The following RARB variants were observed in gnomAD, a reference collection of about 807,000 sequenced individuals.
RARB encodes retinoic acid receptor beta.
Under a neutral mutation model 51.9 loss-of-function variants are expected in RARB, and 17 were observed. That is an observed-to-expected ratio of 0.33 (90% CI 0.22 to 0.49). The LOEUF is 0.49. RARB is among the 20% of genes least tolerant of loss of function. The pLI, the probability that RARB is intolerant of heterozygous loss-of-function variation, is 0.99. For synonymous variants in RARB, 215 were observed against 195.4 expected, an observed-to-expected ratio of 1.10 and a Z score of -0.84; for missense variants, 369 against 550.8, an observed-to-expected ratio of 0.67 and a Z score of 3.30.
intron 2 of RARB, among the ~76,000 whole-genome samples, chr3:24,943,359 A>T (rs1695709278): frequency 6.6e-6 from 1 of 152,156 alleles, no homozygotes; most frequent in Non-Finnish European, 1.5e-5. Flanking sequence ...CGCTCTTGTT[A>T]TCGTAAATGG....
intron 5 of RARB, among the ~76,000 whole-genome samples, chr3:25,282,972 C>T (rs540403449): frequency 2.0e-5 from 3 of 152,348 alleles, no homozygotes; most frequent in Admixed American, 6.5e-5. Flanking sequence ...ACCAACCCAA[C>T]TCTTTGTCAC....
chr3:25,040,594 A>C (rs1698092296), intron 2 of RARB, among the ~76,000 whole-genome samples: 1 of 151,980 alleles, frequency 6.6e-6, no homozygotes, highest in African/African-American at 2.4e-5. Context: ...TTATCCAGGC[A>C]TGGTGGTGCA....
At chr3:25,466,301 C>G (rs978615566) in intron 2 of RARB, among the ~76,000 whole-genome samples, 1 of 152,132 alleles carries the variant, frequency 6.6e-6, no homozygotes, top group Non-Finnish European at 1.5e-5. Context: ...AATTCTCCTG[C>G]CTCAGCCTCC....
rs1436248 is a variant in RARB, at chr3:25,232,470, A to G, written c.178+57895A>G. On this transcript the variant is annotated intron_variant, in intron 5 of 11. Transcript: ENST00000383772. ...AATCTAGTATATCTCTATGTATTAT[A>G]TATTAATAAAAGAAAACCCAAATAA... Among the ~76,000 whole-genome samples, 1,083 of 152,218 alleles carry G rather than the reference A, an allele frequency of 7.1e-3. 11 individuals are homozygous for G. The highest frequency in any genetic ancestry group is 0.024 in the African/African-American group (1,002 of 41,546).
intron 3 of RARB, among the ~76,000 whole-genome samples, chr3:25,065,933 T>A (rs956587222): frequency 3.3e-5 from 5 of 150,418 alleles, no homozygotes; most frequent in African/African-American, 1.2e-4. Context: ...AAAATGAAGA[T>A]TTTTTTTTTA....
chr3:24,882,023 C>A (rs528899438), intron 2 of RARB, among the ~76,000 whole-genome samples: 1 of 151,898 alleles, frequency 6.6e-6, no homozygotes, highest in African/African-American at 2.4e-5. Flanking sequence ...ATTGCCATAA[C>A]AATGAAAAAT....
At chr3:25,088,290 C>T (rs1649788330) in intron 3 of RARB, among the ~76,000 whole-genome samples, 1 of 152,124 alleles carries the variant, frequency 6.6e-6, no homozygotes, top group African/African-American at 2.4e-5. Context: ...CATAAATCAA[C>T]TAAACTTTAG....
intron 2 of RARB, among the ~76,000 whole-genome samples, chr3:25,008,871 T>C (rs1177773713): frequency 6.6e-6 from 1 of 152,146 alleles, no homozygotes; most frequent in East Asian, 1.9e-4. Context: ...GCAACCTCTT[T>C]TGTATGCTTC....
intron 2 of RARB, among the ~76,000 whole-genome samples, chr3:24,907,136 G>T (rs1694885145): frequency 6.6e-6 from 1 of 152,156 alleles, no homozygotes; most frequent in Admixed American, 6.5e-5. Context: ...AATACTTACG[G>T]TAGTTGAAGC....
intron 4 of RARB, among the ~76,000 whole-genome samples, chr3:25,172,129 C>G (rs574074387): frequency 1.3e-5 from 2 of 152,260 alleles, no homozygotes; most frequent in African/African-American, 4.8e-5. Flanking sequence ...CATATGGTCT[C>G]ACTGTTGACA....
At chr3:25,405,144 C>T (rs1707372759) in intron 5 of RARB, among the ~76,000 whole-genome samples, 1 of 152,146 alleles carries the variant, frequency 6.6e-6, no homozygotes, top group Non-Finnish European at 1.5e-5. Context: ...TCCCCAGAGA[C>T]CGGAGCAGAG....
chr3:25,311,456 C>T (rs968873377), intron 5 of RARB, among the ~76,000 whole-genome samples: 1 of 152,234 alleles, frequency 6.6e-6, no homozygotes, highest in African/African-American at 2.4e-5. Flanking sequence ...TAAAAAAGAA[C>T]TTTGCAAATC....
chr3:24,961,806 G>A (rs918961981), intron 2 of RARB, among the ~76,000 whole-genome samples: 3 of 151,394 alleles, frequency 2.0e-5, no homozygotes, highest in Admixed American at 1.3e-4. Flanking sequence ...CTAGGCTTGA[G>A]AACACCCTGT....
intron 5 of RARB, among the ~76,000 whole-genome samples, chr3:25,318,689 T>C (rs779819577): frequency 5.3e-5 from 8 of 152,200 alleles, no homozygotes; most frequent in Non-Finnish European, 1.0e-4. Context: ...TGTAGAATTC[T>C]TTGGTCTTCT....
chr3:25,444,099 G>T (rs564350382), intron 1 of RARB, among the ~76,000 whole-genome samples: 1 of 152,144 alleles, frequency 6.6e-6, no homozygotes, highest in Non-Finnish European at 1.5e-5. Context: ...TGCTTATTAT[G>T]TGTCAGGTGC....
intron 5 of RARB, among the ~76,000 whole-genome samples, chr3:25,265,500 T>TC (rs1422489838): frequency 6.6e-6 from 1 of 152,062 alleles, no homozygotes; most frequent in African/African-American, 2.4e-5. Flanking sequence ...TGAGACAGAG[T>TC]CTTGCTCTGT....
chr3:25,089,266 A>G (rs111262289), intron 3 of RARB, among the ~76,000 whole-genome samples: 1 of 152,098 alleles, frequency 6.6e-6, no homozygotes, highest in Admixed American at 6.6e-5. Flanking sequence ...AGTAGCATGC[A>G]CAGAAAAAAA....
chr3:25,108,508 T>C (rs1027489962), intron 3 of RARB, among the ~76,000 whole-genome samples: 9 of 152,106 alleles, frequency 5.9e-5, no homozygotes, highest in Non-Finnish European at 1.2e-4. Flanking sequence ...TGGGAGGTTT[T>C]ATGGACCAGA....
Position 25,244,462 on chromosome 3 carries a change from T to A in RARB, c.178+69887T>A, listed in dbSNP as rs137910678. ...CTGTGGGTATTTAGTGTTACAAATT[T>A]CCCTCTAAACACTGCTTTAGCTGTG... On this transcript the variant is annotated intron_variant, in intron 5 of 11. Coordinates refer to the RARB transcript ENST00000383772. Among the ~76,000 whole-genome samples the A allele has an allele frequency of 2.7e-3, 416 of 152,318 alleles. 2 individuals are homozygous for A. The highest frequency in any genetic ancestry group is 9.6e-3 in the African/African-American group (401 of 41,580).
Sources: allele counts gnomAD v4.1 joint callset (sites outside exome capture counted in the v4.1 genomes callset), GRCh38; gene constraint gnomAD v4.1.1; transcripts MANE v1.5; gene names NCBI Gene and HGNC (gene_info 2026-07-23, HGNC 2026-07-21).